LIG1: variants seen among roughly 807,000 people sequenced by gnomAD.
LIG1 encodes DNA ligase 1, also known as ligase I, DNA, ATP-dependent.
Under a neutral mutation model 115.7 loss-of-function variants are expected in LIG1, and 70 were observed. The observed-to-expected ratio is 0.60, with a 90% CI of 0.50 to 0.74. The LOEUF is 0.74. Ranked by LOEUF, LIG1 falls within the 30% of genes least tolerant of loss-of-function variation. The pLI is 0.00. For missense variants in LIG1, 1,115 were observed against 1,225.6 expected, an observed-to-expected ratio of 0.91 and a Z score of 1.35; for synonymous variants, 487 against 495.3, an observed-to-expected ratio of 0.98 and a Z score of 0.22.
chr19:48,118,804 GACA>G (rs1186843139), intron 25 of LIG1, among the ~76,000 whole-genome samples: 2 of 152,188 alleles, frequency 1.3e-5, no homozygotes, highest in Admixed American at 6.5e-5. Flanking sequence ...CTGTGACCAT[GACA>G]ACATTCATTC....
At chr19:48,168,765 C>A (rs140004326) in intron 1 of LIG1, among the ~76,000 whole-genome samples, 11 of 152,214 alleles carry the variant, frequency 7.2e-5, no homozygotes, top group African/African-American at 2.6e-4. Flanking sequence ...ATAAAAATAT[C>A]CTAAAATCGA....
chr19:48,136,008 T>C (rs2034363142), intron 15 of LIG1, 26 bp downstream of exon 15: 1 of 1,530,100 alleles, frequency 6.5e-7, no homozygotes, highest in Non-Finnish European at 8.8e-7. Flanking sequence ...CAGCGAGGGA[T>C]GCAGAGACGG....
At chr19:48,118,749 T>C (rs1343602027) in intron 25 of LIG1, among the ~76,000 whole-genome samples, 1 of 152,116 alleles carries the variant, frequency 6.6e-6, no homozygotes, top group African/African-American at 2.4e-5. Flanking sequence ...GAAAATAAAC[T>C]AATACAGATC....
At chr19:48,163,984 T>TA (rs1402540744) in intron 2 of LIG1, among the ~76,000 whole-genome samples, 61 of 143,416 alleles carry the variant, frequency 4.3e-4, no homozygotes, top group African/African-American at 1.2e-3. Flanking sequence ...GCGTGAACAT[T>TA]AAAAAAAAAA....
In LIG1 at chr19:48,137,889, C is replaced by T; in HGVS notation, c.1088-201G>A. 1 of 646,894 alleles carries T rather than the reference C, an allele frequency of 1.5e-6. No individual in the cohort carries two copies. Among genetic ancestry groups the T allele is most frequent in the African/African-American group, 1.8e-5 (1 of 55,436 alleles). 40.1% of individuals were successfully genotyped at this position (646,894 alleles called of 1,614,324 possible). On this transcript the variant is annotated intron_variant, in intron 12 of 27. Transcript: ENST00000263274. This position sits in a 1 kb window ranked among gnomAD's most constrained non-coding sequence, Gnocchi z 4.3. The stretch of plus-strand genomic sequence containing the variant: ...AGCCACGCTGGCTGTAGGAAGTCAG[C>T]AAACATGCACGTGGAGCCAGGAAAG...
Position 48,117,650 on chromosome 19 carries a change from A to T in LIG1, c.2571T>A (p.Ala857=). The stretch of plus-strand genomic sequence containing the variant: ...CTCTGCCACTCACCAGGCCCCGCGC[A>T]GCAGGGTAGATGGGAGAGAGGGAGA... ...ADLSLSPIYP[A]ARGLVDSDKG... The change falls in exon 26 of 28, where the codon GCT becomes GCA. Residue 857 remains alanine, a synonymous_variant. Coordinates refer to ENST00000263274, the MANE Select transcript of LIG1 (RefSeq NM_000234.3). The T allele has an allele frequency of 6.2e-7, 1 of 1,612,858 alleles. No homozygotes were observed. Among genetic ancestry groups the T allele is most frequent in the Non-Finnish European group, 8.5e-7 (1 of 1,179,704 alleles).
intron 21 of LIG1, among the ~76,000 whole-genome samples, chr19:48,125,439 C>A (rs1241935439): frequency 6.6e-6 from 1 of 152,148 alleles, no homozygotes; most frequent in Non-Finnish European, 1.5e-5. Context: ...GCATCAAAGG[C>A]ATCTCTGCAT....
At position 48,122,550 on chromosome 19, in the gene LIG1, C is replaced by T. The variant is rs879826610; in HGVS notation, c.2232+384G>A. Among the ~76,000 whole-genome samples the T allele has an allele frequency of 5.9e-5, 9 of 152,240 alleles. No individual in the cohort carries two copies. The highest frequency in any genetic ancestry group is 2.0e-4 in the Admixed American group (3 of 15,288). ...TGATCATCCGGGGCACTCCCAGCCC[C>T]GCCTTGCTGGCCCGGAGCTGACTTG... On this transcript the variant is annotated intron_variant, in intron 23 of 27. Coordinates refer to ENST00000263274, the MANE Select transcript of LIG1 (RefSeq NM_000234.3). This position sits in a 1 kb window ranked among gnomAD's most constrained non-coding sequence, Gnocchi z 4.3.
chr19:48,156,803 T>C (rs2035866859), intron 5 of LIG1, among the ~76,000 whole-genome samples: 1 of 151,644 alleles, frequency 6.6e-6, no homozygotes, highest in African/African-American at 2.4e-5. Context: ...TAGCCAGGCA[T>C]GGTGGCGGGC....
intron 2 of LIG1, among the ~76,000 whole-genome samples, chr19:48,164,261 A>G (rs1352900507): frequency 1.3e-5 from 2 of 152,236 alleles, no homozygotes; most frequent in Non-Finnish European, 2.9e-5. Flanking sequence ...AGGCACCATC[A>G]GCCCTGGAGA....
intron 21 of LIG1, among the ~76,000 whole-genome samples, chr19:48,124,036 T>G (rs2033491624): frequency 6.6e-6 from 1 of 152,204 alleles, no homozygotes; most frequent in African/African-American, 2.4e-5. Context: ...AGCAGTTGTC[T>G]CCACATGTCA....
At position 48,119,169 on chromosome 19, in the gene LIG1, C is replaced by T. The variant is rs371768197; in HGVS notation, c.2407G>A (p.Glu803Lys). 6.9e-6 allele frequency: 11 copies of T among 1,584,902 alleles called. No individual in the cohort carries two copies. Among genetic ancestry groups the T allele is most frequent in the East Asian group, 2.3e-5 (1 of 42,878 alleles). The change falls in exon 25 of 28, where the codon GAG becomes AAG. Residue 803 changes from glutamate to lysine, a missense_variant. Physicochemically the swap from Glu to Lys is moderately conservative, Grantham distance 56. Coordinates refer to ENST00000263274, the MANE Select transcript of LIG1 (RefSeq NM_000234.3). ...CTCTGGTGATGCTCCTCCAGCTCCT[C>T]ATCACTGAAGCCAGTTCCAAGCTGC... ...ICKLGTGFSDEELEEHHQSLK... is the reference protein window; with the variant it reads ...ICKLGTGFSDKELEEHHQSLK...
At chr19:48,162,433 C>CTT (rs781263098) in intron 2 of LIG1, 82 bp from the exon 3 acceptor site, 6,095 of 626,004 alleles carry the variant, frequency 9.7e-3, no homozygotes, top group Middle Eastern at 0.012. Flanking sequence ...CTATAACTTC[C>CTT]TTTTTTTTTT....
At chr19:48,148,886 G>A (rs1381782144) in intron 9 of LIG1, among the ~76,000 whole-genome samples, 1 of 152,202 alleles carries the variant, frequency 6.6e-6, no homozygotes, top group Non-Finnish European at 1.5e-5. Context: ...ACATCACGAG[G>A]GCTGGGGCAG....
chr19:48,161,820 G>A (rs925650735), intron 3 of LIG1, among the ~76,000 whole-genome samples: 1 of 143,210 alleles, frequency 7.0e-6, no homozygotes, highest in Non-Finnish European at 1.5e-5. Context: ...GCATCTATTG[G>A]GATGCCTTTT....
At chr19:48,120,961 A>G in intron 24 of LIG1, 1 of 1,440,912 alleles carries the variant, frequency 6.9e-7, no homozygotes, top group Non-Finnish European at 9.1e-7. Context: ...ACTGACACAC[A>G]TTCCTGACAT....
chr19:48,152,025 A>G (rs1201884643), intron 6 of LIG1, among the ~76,000 whole-genome samples: 5 of 152,202 alleles, frequency 3.3e-5, no homozygotes, highest in African/African-American at 4.8e-5. Flanking sequence ...AATCTGCCTT[A>G]GTAGAAAGAG....
chr19:48,149,958 A>C, intron 8 of LIG1, 117 bp from the exon 9 acceptor site: 1 of 1,558,022 alleles, frequency 6.4e-7, no homozygotes, highest in Non-Finnish European at 8.8e-7. Flanking sequence ...AGGCTGGTAG[A>C]GACAAGGCCG....
Position 48,159,564 on chromosome 19 carries a change from C to T in LIG1, c.243+1808G>A, listed in dbSNP as rs538401069. ...TGAGGTTGCTAATCAGCTGACCTTC[C>T]GATAGTGGGATTACCCTGGACTATC... is the stretch of plus-strand genomic sequence containing the variant. On this transcript the variant is annotated intron_variant, in intron 4 of 27. Coordinates refer to ENST00000263274, the MANE Select transcript of LIG1 (RefSeq NM_000234.3). Among the ~76,000 whole-genome samples, 8 of 152,228 alleles carry T rather than the reference C, an allele frequency of 5.3e-5. No individual in the cohort carries two copies. The South Asian group carries it at 1.0e-3, about 20-fold the overall frequency.
Sources: gnomAD v4.1 joint callset for allele counts (sites outside exome capture counted in the v4.1 genomes callset) on GRCh38, gnomAD v4.1.1 for gene constraint, Gnocchi (gnomAD v3.1) non-coding constraint, MANE v1.5 for transcripts, NCBI Gene and HGNC (gene_info 2026-07-23, HGNC 2026-07-21) for gene names.